GPA33: variants seen among roughly 807,000 people sequenced by gnomAD.
The protein encoded by GPA33 is glycoprotein A33.
Under a neutral mutation model 35.6 loss-of-function variants are expected in GPA33, and 27 were observed. That is an observed-to-expected ratio of 0.76 (90% CI 0.56 to 1.04). The LOEUF (loss-of-function observed/expected upper bound fraction) is 1.04. GPA33 is among the 50% of genes least tolerant of loss of function. GPA33 has a pLI of 0.00. For missense variants in GPA33, 428 were observed against 411.9 expected (o/e 1.04, Z -0.34); for synonymous variants, 176 against 164.0 (o/e 1.07, Z -0.56).
Position 167,059,784 on chromosome 1 carries a change from T to A in GPA33, c.571+3798A>T, listed in dbSNP as rs572875918. On this transcript the variant is annotated intron_variant, in intron 4 of 6. Transcript: ENST00000367868. ...AATCCCAGTTTTTTTCAAAGGGCAG[T>A]ACTAAGGGTCCGAGAGGCTGTGAGT... Among the ~76,000 whole-genome samples, 25 of 152,292 alleles carry A rather than the reference T, an allele frequency of 1.6e-4. 1 individual carries two copies. Among genetic ancestry groups the A allele is most frequent in the African/African-American group, 5.5e-4 (23 of 41,568 alleles).
At position 167,063,363 on chromosome 1, in the gene GPA33, C is replaced by T. The variant is rs140515214; in HGVS notation, c.571+219G>A. Among the ~76,000 whole-genome samples, 22 of 152,264 alleles carry T rather than the reference C, an allele frequency of 1.4e-4. 2 individuals are homozygous for T. In the East Asian group the frequency reaches 4.1e-3, roughly 28 times the overall value. On this transcript the variant is annotated intron_variant, in intron 4 of 6. Coordinates refer to ENST00000367868, the MANE Select transcript of GPA33 (RefSeq NM_005814.3). ...GGAGGAGGTTGCAGTGAGCTGAGAT[C>T]GTGCCAACTGCACTCCAGCCTGGGC...
chr1:167,087,856 C>T (rs1020780755), intron 1 of GPA33, among the ~76,000 whole-genome samples: 33 of 151,724 alleles, frequency 2.2e-4, no homozygotes, highest in African/African-American at 6.3e-4. Context: ...GCGGAGGTTG[C>T]AGTGAGCTGA....
In GPA33 at chr1:167,073,403, C is replaced by T. The variant is rs773645775; in HGVS notation, c.180G>A (p.Lys60=). 1.2e-6 allele frequency: 2 copies of T among 1,614,034 alleles called. No homozygotes were observed. The highest frequency in any genetic ancestry group is 8.5e-7 in the Non-Finnish European group (1 of 1,179,882). The change falls in exon 2 of 7, where the codon AAG becomes AAA. Residue 60 remains lysine, a synonymous_variant. Coordinates refer to ENST00000367868, the MANE Select transcript of GPA33 (RefSeq NM_005814.3). ...TCCTTACCGTATGAGTGAGGAGGAG[C>T]TTATCCCATTGAATAAGTCCCTCTC... ...SSREGLIQWD[K]LLLTHTERVV...
intron 2 of GPA33, 66 bp from the exon 3 acceptor site, chr1:167,069,204 C>A: frequency 9.5e-7 from 1 of 1,050,522 alleles, no homozygotes; most frequent in Non-Finnish European, 1.4e-6. Flanking sequence ...TCCAGCCTGC[C>A]CTGACTACCC....
chr1:167,067,549 C>G (rs1186499740), intron 3 of GPA33, among the ~76,000 whole-genome samples: 2 of 152,048 alleles, frequency 1.3e-5, no homozygotes, highest in Non-Finnish European at 2.9e-5. Context: ...GGGGAGTGTG[C>G]ATTAATACTT....
At chr1:167,070,422 T>A (rs776909822) in intron 2 of GPA33, among the ~76,000 whole-genome samples, 7 of 152,164 alleles carry the variant, frequency 4.6e-5, no homozygotes, top group Non-Finnish European at 8.8e-5. Context: ...ATGATTACAC[T>A]CATTTTACAA....
rs552781090 is a variant in GPA33, at chr1:167,054,745, C to T, written c.827+231G>A. ...CAGGCCACACTTGGCTCTAGTCATG[C>T]CACAGGAAGCCCGGCCCTGAGCTCC... On this transcript the variant is annotated intron_variant, in intron 6 of 6. Coordinates refer to ENST00000367868, the MANE Select transcript of GPA33 (RefSeq NM_005814.3). Among the ~76,000 whole-genome samples, 69 of 152,258 alleles carry T rather than the reference C, an allele frequency of 4.5e-4. 1 individual carries two copies. In the South Asian group the frequency reaches 0.013, roughly 30 times the overall value.
At chr1:167,086,890 AGTGT>A (rs3051362) in intron 1 of GPA33, among the ~76,000 whole-genome samples, 2 of 151,352 alleles carry the variant, frequency 1.3e-5, no homozygotes, top group Admixed American at 6.6e-5. Flanking sequence ...TGTGTAAGTA[AGTGT>A]GTGTGTGTGT....
intron 2 of GPA33, 127 bp downstream of exon 2, chr1:167,073,258 C>A: frequency 1.3e-6 from 1 of 758,124 alleles, no homozygotes; most frequent in Non-Finnish European, 2.2e-6. Context: ...CCTCCCCACC[C>A]ACTCCAGCCT....
At chr1:167,085,371 C>T (rs761525799) in intron 1 of GPA33, among the ~76,000 whole-genome samples, 3 of 152,202 alleles carry the variant, frequency 2.0e-5, no homozygotes, top group Non-Finnish European at 4.4e-5. Flanking sequence ...AGGTCAAACA[C>T]TGCCAGGATT....
chr1:167,069,131 A>G lies in GPA33; in HGVS notation c.206T>C (p.Val69Ala). The change falls in exon 3 of 7, where the codon GTG (valine) becomes GCG (alanine). Residue 69 changes from valine to alanine, a missense_variant. Physicochemically the swap from Val to Ala is moderately conservative, Grantham distance 64. Transcript: ENST00000367868. ...TTTGTTTGAAAACGGCCAGATGACC[A>G]CCCTTTCCTGGAGAGAGAAGAAATG... ...DKLLLTHTER[V>A]VIWPFSNKNY... The G allele has an allele frequency of 6.2e-7, 1 of 1,611,694 alleles. No homozygotes were observed. The highest frequency in any genetic ancestry group is 2.2e-5 in the East Asian group (1 of 44,850).
At chr1:167,078,428 C>G (rs1335095474) in intron 1 of GPA33, among the ~76,000 whole-genome samples, 1 of 152,188 alleles carries the variant, frequency 6.6e-6, no homozygotes, top group African/African-American at 2.4e-5. Flanking sequence ...TGCATAGAAA[C>G]AACACCCACT....
Position 167,054,469 on chromosome 1 carries a change from G to A in GPA33, c.828-3C>T. ...GCTCCTCATAGGCTTCCCGGTTCCT[G>A]CAGGGCAGCAGGGGACAGAGGGGAA... On this transcript the variant is annotated splice_region_variant and splice_polypyrimidine_tract_variant and intron_variant, in intron 6 of 6. Transcript: ENST00000367868. The A allele has an allele frequency of 6.2e-7, 1 of 1,614,062 alleles. No individual in the cohort carries two copies. The highest frequency in any genetic ancestry group is 1.1e-5 in the South Asian group (1 of 91,072).
At position 167,069,006 on chromosome 1, in the gene GPA33, C is replaced by A; in HGVS notation, c.331G>T (p.Asp111Tyr). The change falls in exon 3 of 7, where the codon GAC becomes TAC. Residue 111 changes from aspartate to tyrosine, a missense_variant. Coordinates refer to ENST00000367868, the MANE Select transcript of GPA33 (RefSeq NM_005814.3). ...ACAGAACACTCGTAGGTGCCGTTGT[C>A]AGCCATGGTCAGCTGATCAATGGTG... ...SITIDQLTMA[D>Y]NGTYECSVSL... is the part of the protein sequence containing the mutation. 1 of 1,614,102 alleles carries A rather than the reference C, an allele frequency of 6.2e-7. No homozygotes were observed. Among genetic ancestry groups the A allele is most frequent in the Non-Finnish European group, 8.5e-7 (1 of 1,179,978 alleles).
intron 4 of GPA33, among the ~76,000 whole-genome samples, chr1:167,061,586 GTTTTTTTTTTT>G (rs397981830): frequency 1.3e-4 from 10 of 74,626 alleles, no homozygotes; most frequent in African/African-American, 5.6e-4. Flanking sequence ...TCTACTAACT[GTTTTTTTTTTT>G]TTTTTTTTTT....
At position 167,054,510 on chromosome 1, in the gene GPA33, TG is replaced by T. The variant is rs762131091; in HGVS notation, c.828-45del. On this transcript the variant is annotated intron_variant, in intron 6 of 6. Coordinates refer to ENST00000367868, the MANE Select transcript of GPA33 (RefSeq NM_005814.3). The stretch of plus-strand genomic sequence containing the variant: ...CAGAGGGGAAGGATTTGCTCTCAGG[TG>T]GACCCTCAAGGGAGCTGGGCCTCAT... 1.1e-5 allele frequency: 18 copies of T among 1,613,312 alleles called. No individual in the cohort carries two copies. The East Asian group carries it at 3.3e-4, about 30-fold the overall frequency.
chr1:167,054,212 A>C lies in GPA33; in HGVS notation c.*122T>G, dbSNP rs1216429617. ...CCCCACAGCTGACACTGGGGAAGAA[A>C]TGTCCCCATCAATGTCTGGGATGGA... On this transcript the variant is annotated 3_prime_UTR_variant, in exon 7 of 7. Coordinates refer to ENST00000367868, the MANE Select transcript of GPA33 (RefSeq NM_005814.3). The C allele has an allele frequency of 8.7e-6, 11 of 1,262,854 alleles. No homozygotes were observed. The highest frequency in any genetic ancestry group is 1.1e-5 in the Non-Finnish European group (10 of 896,986). 78.2% of individuals were successfully genotyped at this position (1,262,854 alleles called of 1,614,324 possible).
intron 1 of GPA33, among the ~76,000 whole-genome samples, chr1:167,074,383 G>A (rs1190613344): frequency 6.6e-6 from 1 of 151,966 alleles, no homozygotes; most frequent in Non-Finnish European, 1.5e-5. Context: ...TGGAAAGACA[G>A]GTGTCTGTGT....
At chr1:167,089,929 G>A (rs951364877) in intron 1 of GPA33, among the ~76,000 whole-genome samples, 7 of 151,872 alleles carry the variant, frequency 4.6e-5, no homozygotes, top group Middle Eastern at 3.4e-3. Flanking sequence ...GGACAACTCC[G>A]ATTTCAAATA....
Sources: allele counts gnomAD v4.1 joint callset (sites outside exome capture counted in the v4.1 genomes callset), GRCh38; gene constraint gnomAD v4.1.1; transcripts MANE v1.5; gene names NCBI Gene and HGNC (gene_info 2026-07-23, HGNC 2026-07-21).